Variants in SHISA9 observed in about 807,000 individuals in gnomAD.
The protein encoded by SHISA9 is shisa family member 9.
A neutral mutation model predicts 38.0 loss-of-function variants in SHISA9; 13 were observed. That is an observed-to-expected ratio of 0.34 (90% CI 0.22 to 0.54). SHISA9 has a LOEUF of 0.54. Ranked by LOEUF, SHISA9 falls within the 20% of genes least tolerant of loss-of-function variation. SHISA9 has a pLI of 0.91. For missense variants in SHISA9, 538 were observed against 575.8 expected (o/e 0.93, Z 0.67); for synonymous variants, 275 against 242.0 (o/e 1.14, Z -1.27).
At chr16:12,926,024 A>C (rs34518459) in intron 2 of SHISA9, among the ~76,000 whole-genome samples, 41,215 of 151,980 alleles carry the variant, frequency 0.27, 6,059 homozygotes, top group Middle Eastern at 0.34. Context: ...CCGTGCCTGG[A>C]CTGCATTTTG....
At chr16:12,978,243 A>G (rs1331343862) in intron 2 of SHISA9, among the ~76,000 whole-genome samples, 1 of 152,198 alleles carries the variant, frequency 6.6e-6, no homozygotes, top group Non-Finnish European at 1.5e-5. Flanking sequence ...GTATAGAATC[A>G]TCCAACAGCT....
chr16:13,405,034 G>A, the SHISA9 span, among the ~76,000 whole-genome samples: 2 of 152,142 alleles, frequency 1.3e-5, no homozygotes, highest in South Asian at 2.1e-4. Flanking sequence ...CAGCTTCCAC[G>A]GTGGATGGTG....
Position 12,949,826 on chromosome 16 carries a change from G to A in SHISA9, c.691+33011G>A, listed in dbSNP as rs570584766. On this transcript the variant is annotated intron_variant, in intron 2 of 4. Coordinates refer to ENST00000558583, the MANE Select transcript of SHISA9 (RefSeq NM_001145204.3). ...GTAATAATCAAATAATAGTAATTAG[G>A]ACATCCATCACCTCAAACATTTATT... Among the ~76,000 whole-genome samples, 4 of 152,146 alleles carry A rather than the reference G, an allele frequency of 2.6e-5. No homozygotes were observed. The South Asian group carries it at 8.3e-4, about 32-fold the overall frequency.
At chr16:12,925,793 C>G (rs538050585) in intron 2 of SHISA9, among the ~76,000 whole-genome samples, 1 of 152,342 alleles carries the variant, frequency 6.6e-6, no homozygotes, top group South Asian at 2.1e-4. Context: ...GAAATGCCTA[C>G]TATAGCATTG....
At chr16:13,400,366 AC>A in the SHISA9 span, among the ~76,000 whole-genome samples, 1 of 43,156 alleles carries the variant, frequency 2.3e-5, no homozygotes, top group South Asian at 3.7e-4. Flanking sequence ...CTGTTCCAAC[AC>A]ACACACACAC....
At chr16:13,124,817 C>T (rs367998210) in intron 2 of SHISA9, among the ~76,000 whole-genome samples, 1 of 152,166 alleles carries the variant, frequency 6.6e-6, no homozygotes, top group East Asian at 1.9e-4. Context: ...CAAATCCACA[C>T]ACTTGTGGTA....
At chr16:13,121,221 G>T (rs1041750442) in intron 2 of SHISA9, among the ~76,000 whole-genome samples, 1 of 152,074 alleles carries the variant, frequency 6.6e-6, no homozygotes, top group African/African-American at 2.4e-5. Context: ...GGGCATGGTG[G>T]CTCACGCCCG....
At chr16:12,957,602 C>T (rs996204940) in intron 2 of SHISA9, among the ~76,000 whole-genome samples, 3 of 152,124 alleles carry the variant, frequency 2.0e-5, no homozygotes, top group African/African-American at 7.2e-5. Flanking sequence ...CCAAAGGCAC[C>T]ATGTTCTAAT....
At chr16:13,064,619 G>A (rs2073412893) in intron 2 of SHISA9, among the ~76,000 whole-genome samples, 2 of 152,074 alleles carry the variant, frequency 1.3e-5, no homozygotes, top group African/African-American at 4.8e-5. Context: ...AATACCACTA[G>A]TAGCCAATAA....
chr16:12,953,689 G>C (rs183357976), intron 2 of SHISA9, among the ~76,000 whole-genome samples: 16 of 152,308 alleles, frequency 1.1e-4, no homozygotes, highest in African/African-American at 3.1e-4. Flanking sequence ...GTCTGAGACA[G>C]TGGGGGAATA....
chr16:12,953,234 AACAAC>A (rs1485365186), intron 2 of SHISA9, among the ~76,000 whole-genome samples: 1 of 152,086 alleles, frequency 6.6e-6, no homozygotes, highest in Non-Finnish European at 1.5e-5. Flanking sequence ...CAACAACAAC[AACAAC>A]AAAAAACAGC....
At chr16:13,204,210 G>GACTATCTATCTA (rs1555471120) in intron 3 of SHISA9, among the ~76,000 whole-genome samples, 1 of 140,986 alleles carries the variant, frequency 7.1e-6, no homozygotes, top group African/African-American at 2.6e-5. Context: ...CTGTCTGTCT[G>GACTATCTATCTA]TCTATCTATC....
the SHISA9 span, among the ~76,000 whole-genome samples, chr16:13,489,108 A>G: frequency 6.6e-6 from 1 of 151,514 alleles, no homozygotes; most frequent in Non-Finnish European, 1.5e-5. Context: ...GTATAATGGC[A>G]CTATCTCAGC....
chr16:12,954,990 C>T (rs747188581), intron 2 of SHISA9, among the ~76,000 whole-genome samples: 2 of 152,056 alleles, frequency 1.3e-5, no homozygotes, highest in Non-Finnish European at 1.5e-5. Context: ...TATTCCCTCA[C>T]AATAGCCTGG....
intron 2 of SHISA9, among the ~76,000 whole-genome samples, chr16:13,069,097 T>C (rs1182673696): frequency 1.3e-5 from 2 of 151,972 alleles, no homozygotes; most frequent in South Asian, 2.1e-4. Flanking sequence ...TGTGTATGTG[T>C]GTGTATACAT....
the SHISA9 span, among the ~76,000 whole-genome samples, chr16:13,469,367 A>AGAAAAAGAAAG: frequency 5.5e-5 from 4 of 72,806 alleles, no homozygotes; most frequent in Non-Finnish European, 8.7e-5. Context: ...AGAAAAGAAA[A>AGAAAAAGAAAG]AGAAAGAAAG....
the SHISA9 span, among the ~76,000 whole-genome samples, chr16:13,434,500 C>T: frequency 6.8e-6 from 1 of 146,386 alleles, no homozygotes; most frequent in Non-Finnish European, 1.5e-5. Context: ...TCACTGCAAG[C>T]TCCGCCTCCC....
At chr16:13,222,739 G>T (rs74014609) in intron 4 of SHISA9, among the ~76,000 whole-genome samples, 1 of 151,612 alleles carries the variant, frequency 6.6e-6, no homozygotes, top group Non-Finnish European at 1.5e-5. Flanking sequence ...CTGAGTTTTC[G>T]CAAGCCTTGT....
intron 1 of SHISA9, 102 bp from the exon 2 acceptor site, chr16:12,916,586 G>A (rs1489565084): frequency 3.7e-6 from 5 of 1,358,912 alleles, no homozygotes; most frequent in Admixed American, 5.6e-5. Context: ...GCTCCATGGA[G>A]TAATCCGCCT....
Sources: allele counts gnomAD v4.1 joint callset (sites outside exome capture counted in the v4.1 genomes callset), GRCh38; gene constraint gnomAD v4.1.1; transcripts MANE v1.5; gene names NCBI Gene and HGNC (gene_info 2026-07-23, HGNC 2026-07-21).